ARB2A: variants seen among roughly 807,000 people sequenced by gnomAD.
ARB2A encodes the protein ARB2 cotranscriptional regulator A, also known as cotranscriptional regulator ARB2A.
chr5:93,677,067 T>G, the ARB2A span, among the ~76,000 whole-genome samples: 3 of 152,206 alleles, frequency 2.0e-5, no homozygotes, highest in Admixed American at 6.5e-5. Flanking sequence ...AAGGGTGCTT[T>G]CCTAATTATG....
chr5:93,835,548 A>C, the ARB2A span, among the ~76,000 whole-genome samples: 1 of 152,242 alleles, frequency 6.6e-6, no homozygotes, highest in Non-Finnish European at 1.5e-5. Flanking sequence ...TCCAATTTTA[A>C]AGTCAAAAAT....
the ARB2A span, among the ~76,000 whole-genome samples, chr5:94,017,009 G>A: frequency 6.6e-6 from 1 of 152,156 alleles, no homozygotes; most frequent in Non-Finnish European, 1.5e-5. Flanking sequence ...CCCTAGCACT[G>A]AAGGGCCTTA....
At chr5:94,087,357 T>G in the ARB2A span, among the ~76,000 whole-genome samples, 1 of 152,016 alleles carries the variant, frequency 6.6e-6, no homozygotes, top group Non-Finnish European at 1.5e-5. Flanking sequence ...CAGTGAGCTA[T>G]GATCACCCAC....
At chr5:93,957,283 A>G in the ARB2A span, among the ~76,000 whole-genome samples, 1,872 of 152,268 alleles carry the variant, frequency 0.012, 40 homozygotes, top group African/African-American at 0.043. Flanking sequence ...GGGACAACAT[A>G]ACTACATAAA....
the ARB2A span, chr5:93,619,798 C>T: frequency 6.6e-6 from 1 of 152,178 alleles, no homozygotes; most frequent in Non-Finnish European, 1.5e-5. Context: ...TAGGGCTAAA[C>T]CCTACAGAGG....
At chr5:93,793,593 G>T in the ARB2A span, among the ~76,000 whole-genome samples, 2 of 151,988 alleles carry the variant, frequency 1.3e-5, no homozygotes, top group Non-Finnish European at 2.9e-5. Flanking sequence ...ATTATTTGTG[G>T]ACTGATGAAA....
the ARB2A span, among the ~76,000 whole-genome samples, chr5:93,888,732 C>T: frequency 6.6e-6 from 1 of 151,758 alleles, no homozygotes; most frequent in Non-Finnish European, 1.5e-5. Flanking sequence ...CCAAATTATT[C>T]TATATTAAAT....
chr5:93,967,683 T>A, the ARB2A span, among the ~76,000 whole-genome samples: 4 of 152,072 alleles, frequency 2.6e-5, no homozygotes, highest in South Asian at 8.3e-4. Flanking sequence ...ATAAAAACTC[T>A]CCTGCAGGGG....
the ARB2A span, among the ~76,000 whole-genome samples, chr5:94,072,510 C>A: frequency 6.6e-6 from 1 of 151,972 alleles, no homozygotes; most frequent in Non-Finnish European, 1.5e-5. Flanking sequence ...AAATAATGAT[C>A]GTAACAACTC....
the ARB2A span, chr5:94,074,696 T>C: frequency 8.7e-6 from 14 of 1,613,012 alleles, no homozygotes; most frequent in Non-Finnish European, 1.2e-5. Context: ...CTGCTGGATT[T>C]GTGCCATGTT....
At chr5:94,099,716 T>G in the ARB2A span, among the ~76,000 whole-genome samples, 2 of 150,796 alleles carry the variant, frequency 1.3e-5, no homozygotes, top group Non-Finnish European at 3.0e-5. Flanking sequence ...TATGATAATC[T>G]GAATAGGCTT....
the ARB2A span, among the ~76,000 whole-genome samples, chr5:93,941,868 T>C: frequency 6.6e-6 from 1 of 152,126 alleles, no homozygotes; most frequent in Non-Finnish European, 1.5e-5. Flanking sequence ...AATATCAAAG[T>C]GCTCTATACT....
At chr5:93,831,243 C>G in the ARB2A span, among the ~76,000 whole-genome samples, 1 of 150,608 alleles carries the variant, frequency 6.6e-6, no homozygotes, top group East Asian at 2.0e-4. Context: ...TTTCCCTTTA[C>G]TCTGTTGCCA....
chr5:93,896,041 GAA>G, the ARB2A span, among the ~76,000 whole-genome samples: 2 of 151,806 alleles, frequency 1.3e-5, no homozygotes, highest in African/African-American at 2.4e-5. Flanking sequence ...TTTTCATAAA[GAA>G]AAAGTGTTTA....
the ARB2A span, among the ~76,000 whole-genome samples, chr5:93,991,562 A>T: frequency 5.9e-5 from 9 of 152,156 alleles, no homozygotes; most frequent in African/African-American, 1.7e-4. Context: ...ATAAAAGCAT[A>T]ATGAGAAAAG....
chr5:94,078,768 AG>A, the ARB2A span, among the ~76,000 whole-genome samples: 1 of 152,036 alleles, frequency 6.6e-6, no homozygotes, highest in African/African-American at 2.4e-5. Context: ...TGAGAAATCT[AG>A]GTTTTTAATT....
At chr5:93,966,970 G>C in the ARB2A span, among the ~76,000 whole-genome samples, 1 of 151,174 alleles carries the variant, frequency 6.6e-6, no homozygotes, top group Non-Finnish European at 1.5e-5. Context: ...TCTCCTCTCT[G>C]TCCATCCTGT....
At chr5:93,623,435 A>G in the ARB2A span, among the ~76,000 whole-genome samples, 1 of 152,168 alleles carries the variant, frequency 6.6e-6, no homozygotes. Flanking sequence ...CCTTGAAACC[A>G]ATTCAATCTA....
the ARB2A span, among the ~76,000 whole-genome samples, chr5:93,791,738 A>T: frequency 6.6e-6 from 1 of 152,142 alleles, no homozygotes; most frequent in Non-Finnish European, 1.5e-5. Context: ...GTAAACTGAA[A>T]CTTCTTGGGT....
Sources: allele counts gnomAD v4.1 joint callset (sites outside exome capture counted in the v4.1 genomes callset), GRCh38; gene constraint gnomAD v4.1.1; transcripts MANE v1.5; gene names NCBI Gene and HGNC (gene_info 2026-07-23, HGNC 2026-07-21).